The following ABHD17C variants were observed in gnomAD, a reference collection of about 807,000 sequenced individuals.
ABHD17C encodes the protein alpha/beta hydrolase domain-containing protein 17C.
A neutral mutation model predicts 27.9 loss-of-function variants in ABHD17C; 11 were observed. That is an observed-to-expected ratio of 0.39 (90% confidence interval 0.25 to 0.65). The LOEUF is 0.65. ABHD17C is among the 30% of genes least tolerant of loss of function. The probability of loss-of-function intolerance (pLI) is 0.45; values close to 1 mark genes in which losing one functional copy is unlikely to be tolerated. For synonymous variants in ABHD17C, 233 were observed against 209.1 expected (o/e 1.11, Z -0.98); for missense variants, 280 against 470.2 (o/e 0.60, Z 3.74).
intron 1 of ABHD17C, among the ~76,000 whole-genome samples, chr15:80,723,781 G>A (rs1163452289): frequency 1.3e-5 from 2 of 152,180 alleles, no homozygotes; most frequent in African/African-American, 4.8e-5. Context: ...GTGGCCGATG[G>A]CATGAGTCCT....
intron 1 of ABHD17C, among the ~76,000 whole-genome samples, chr15:80,736,551 A>G (rs1191122499): frequency 6.6e-6 from 1 of 152,114 alleles, no homozygotes; most frequent in African/African-American, 2.4e-5. Context: ...TTTAATGTTT[A>G]TCTAAAGTTT....
intron 1 of ABHD17C, among the ~76,000 whole-genome samples, chr15:80,742,323 C>T (rs892855142): frequency 2.6e-5 from 4 of 152,100 alleles, no homozygotes; most frequent in African/African-American, 9.7e-5. Flanking sequence ...AGGCCAAAGG[C>T]CTGAGAATCT....
intron 1 of ABHD17C, among the ~76,000 whole-genome samples, chr15:80,745,362 T>C (rs1269767670): frequency 1.3e-5 from 2 of 151,908 alleles, no homozygotes; most frequent in African/African-American, 4.8e-5. Context: ...ATGTGTGTTC[T>C]GCTGTATCTG....
chr15:80,734,580 G>A (rs936718326), intron 1 of ABHD17C, among the ~76,000 whole-genome samples: 5 of 152,108 alleles, frequency 3.3e-5, no homozygotes, highest in African/African-American at 1.2e-4. Context: ...CTGAAAAATG[G>A]AAGATAAAAT....
intron 1 of ABHD17C, among the ~76,000 whole-genome samples, chr15:80,710,541 T>G (rs946396119): frequency 4.1e-4 from 63 of 152,156 alleles, no homozygotes; most frequent in African/African-American, 1.4e-3. Context: ...AGATGAGAGA[T>G]GCTGGTGGCT....
At chr15:80,702,885 A>G (rs75839672) in intron 1 of ABHD17C, 1 of 152,182 alleles carries the variant, frequency 6.6e-6, no homozygotes, top group Non-Finnish European at 1.5e-5. Flanking sequence ...CATCTAAAAG[A>G]TGTGATTCAA....
chr15:80,741,810 C>A (rs1895215205), intron 1 of ABHD17C, among the ~76,000 whole-genome samples: 1 of 152,174 alleles, frequency 6.6e-6, no homozygotes, highest in East Asian at 1.9e-4. Context: ...TTGTCAGCAT[C>A]GCCTCTCTTG....
chr15:80,719,344 G>C lies in ABHD17C; in HGVS notation c.590+23325G>C, dbSNP rs181530796. Among the ~76,000 whole-genome samples, 274 of 152,266 alleles carry C rather than the reference G, an allele frequency of 1.8e-3. 1 individual carries two copies. Among genetic ancestry groups the C allele is most frequent in the African/African-American group, 6.3e-3 (261 of 41,556 alleles). The stretch of plus-strand genomic sequence containing the variant: ...ATAGTTATTTTTGGTTCTTCATTGA[G>C]AGTGTTTGTAATTTTTAGGTAATGT... On this transcript the variant is annotated intron_variant, in intron 1 of 2. Coordinates refer to ENST00000258884, the MANE Select transcript of ABHD17C (RefSeq NM_021214.2).
chr15:80,734,723 T>C (rs1895105542), intron 1 of ABHD17C, among the ~76,000 whole-genome samples: 1 of 152,196 alleles, frequency 6.6e-6, no homozygotes, highest in Non-Finnish European at 1.5e-5. Flanking sequence ...CTTTTGAAGG[T>C]AGATTTTGAC....
intron 1 of ABHD17C, among the ~76,000 whole-genome samples, chr15:80,735,658 C>T (rs775552597): frequency 6.6e-6 from 1 of 152,130 alleles, no homozygotes; most frequent in African/African-American, 2.4e-5. Flanking sequence ...CTGCTATTGC[C>T]TTTCTTCATG....
chr15:80,712,837 T>G (rs770740658), intron 1 of ABHD17C, among the ~76,000 whole-genome samples: 8 of 152,258 alleles, frequency 5.3e-5, no homozygotes, highest in Non-Finnish European at 1.0e-4. Flanking sequence ...CCTATCAGCT[T>G]CATCTCCTCG....
intron 1 of ABHD17C, among the ~76,000 whole-genome samples, chr15:80,731,287 C>T (rs1377947246): frequency 6.6e-6 from 1 of 152,236 alleles, no homozygotes; most frequent in Non-Finnish European, 1.5e-5. Context: ...AGAAATACTT[C>T]TGTCTGTGTT....
At chr15:80,724,121 T>C (rs1474139296) in intron 1 of ABHD17C, among the ~76,000 whole-genome samples, 2 of 151,928 alleles carry the variant, frequency 1.3e-5, no homozygotes, top group Non-Finnish European at 2.9e-5. Flanking sequence ...GAGGGTTGCT[T>C]GAGTCCAAAA....
Position 80,695,392 on chromosome 15 carries a change from C to G in ABHD17C, c.-38C>G. The G allele has an allele frequency of 8.5e-7, 1 of 1,180,934 alleles. No individual in the cohort carries two copies. The highest frequency in any genetic ancestry group is 1.1e-6 in the Non-Finnish European group (1 of 946,580). 73.2% of individuals were successfully genotyped at this position (1,180,934 alleles called of 1,614,324 possible). A position where few individuals can be genotyped will look rare whatever the true frequency, so the allele number is the denominator to read the frequency against. The stretch of plus-strand genomic sequence containing the variant: ...CGTCCTCCCGGGCCAGCCAGCCAGC[C>G]AGCCAGCCGGGCCGGCGGCGGGCAC... On this transcript the variant is annotated 5_prime_UTR_variant, in exon 1 of 3. Coordinates refer to ENST00000258884, the MANE Select transcript of ABHD17C (RefSeq NM_021214.2). The surrounding 1 kb of genome is among the most constrained non-coding windows in gnomAD (Gnocchi z 4.3).
intron 1 of ABHD17C, among the ~76,000 whole-genome samples, chr15:80,711,209 G>A (rs574544720): frequency 5.8e-4 from 88 of 152,236 alleles, no homozygotes; most frequent in African/African-American, 2.0e-3. Context: ...TTTGATCAGT[G>A]TTGCCACCAG....
At chr15:80,739,916 C>A (rs1358582967) in intron 1 of ABHD17C, among the ~76,000 whole-genome samples, 1 of 152,128 alleles carries the variant, frequency 6.6e-6, no homozygotes, top group South Asian at 2.1e-4. Context: ...TCTTTTTAAG[C>A]CTCTAGTGTC....
intron 1 of ABHD17C, among the ~76,000 whole-genome samples, chr15:80,728,415 G>C (rs1895012583): frequency 6.6e-6 from 1 of 152,214 alleles, no homozygotes; most frequent in Non-Finnish European, 1.5e-5. Flanking sequence ...ACCTGATCAA[G>C]CATGCTTTAT....
chr15:80,701,633 T>G lies in ABHD17C; in HGVS notation c.590+5614T>G, dbSNP rs1053203148. Among the ~76,000 whole-genome samples, 7 of 150,146 alleles carry G rather than the reference T, an allele frequency of 4.7e-5. No homozygotes were observed. In the East Asian group the frequency reaches 1.4e-3, roughly 29 times the overall value. On this transcript the variant is annotated intron_variant, in intron 1 of 2. Transcript: ENST00000258884. ...GGCAGAGGTTGCAGTGAGCCAAGAT[T>G]ATGCCACTGCACTCCAGCCTGGGCG... is the stretch of plus-strand genomic sequence containing the variant.
At position 80,695,646 on chromosome 15, in the gene ABHD17C, C is replaced by A; in HGVS notation, c.217C>A (p.Pro73Thr). 4.4e-6 allele frequency: 6 copies of A among 1,354,806 alleles called. No homozygotes were observed. The highest frequency in any genetic ancestry group is 5.6e-6 in the Non-Finnish European group (6 of 1,062,080). 83.9% of individuals were successfully genotyped at this position (1,354,806 alleles called of 1,614,324 possible). A position where few individuals can be genotyped will look rare whatever the true frequency, so the allele number is the denominator to read the frequency against. The change falls in exon 1 of 3, where the codon CCG (proline) becomes ACG (threonine). Residue 73 changes from proline (P) to threonine (T), a missense_variant. Physicochemically the swap from Pro to Thr is conservative, Grantham distance 38. This residue lies in a region of ABHD17C where 206 missense variants were observed against 394.7 expected (regional missense o/e 0.52). Transcript: ENST00000258884. This position sits in a 1 kb window ranked among gnomAD's most constrained non-coding sequence, Gnocchi z 4.3. The stretch of plus-strand genomic sequence containing the variant: ...CGCCGCCGCCGCGGCCCAGCCGGCA[C>A]CGCAGCAGCCCGAGGAGGGCGCGGG... ...TAAAAAAQPA[P>T]QQPEEGAGAG... is the part of the protein sequence containing the mutation.
Sources: gnomAD v4.1 joint callset for allele counts (sites outside exome capture counted in the v4.1 genomes callset) on GRCh38, gnomAD v4.1.1 for gene constraint, gnomAD v4.1.1 regional missense constraint, Gnocchi (gnomAD v3.1) non-coding constraint, MANE v1.5 for transcripts, NCBI Gene and HGNC (gene_info 2026-07-23, HGNC 2026-07-21) for gene names.